LARGE1: variants seen among roughly 807,000 people sequenced by gnomAD.
LARGE1 encodes xylosyl- and glucuronyltransferase LARGE1.
A neutral mutation model predicts 87.6 loss-of-function variants in LARGE1; 43 were observed. The ratio of observed to expected loss-of-function variants is 0.49; its 90% CI spans 0.38 to 0.63. The LOEUF is 0.63. LARGE1 is among the 30% of genes least tolerant of loss of function. The probability of loss-of-function intolerance (pLI) is 0.00; values close to 1 mark genes in which losing one functional copy is unlikely to be tolerated. For synonymous variants in LARGE1, 434 were observed against 394.6 expected (o/e 1.10, Z -1.18); for missense variants, 802 against 1,000.2 (o/e 0.80, Z 2.67).
At chr22:33,110,994 C>A in the LARGE1 span, among the ~76,000 whole-genome samples, 2 of 152,068 alleles carry the variant, frequency 1.3e-5, no homozygotes, top group African/African-American at 2.4e-5. Context: ...AAAGATCAAG[C>A]TGTATGATGT....
intron 2 of LARGE1, among the ~76,000 whole-genome samples, chr22:33,714,331 C>T (rs542509610): frequency 2.5e-4 from 38 of 152,316 alleles, no homozygotes; most frequent in African/African-American, 8.7e-4. Context: ...GCTCTAGAGG[C>T]AGATAAGGCT....
At chr22:33,700,260 C>A (rs896414785) in intron 2 of LARGE1, among the ~76,000 whole-genome samples, 1 of 152,160 alleles carries the variant, frequency 6.6e-6, no homozygotes. Context: ...TTCCAACAAG[C>A]CTTCTAGGTC....
the LARGE1 span, among the ~76,000 whole-genome samples, chr22:33,107,248 A>T: frequency 6.6e-6 from 1 of 152,314 alleles, no homozygotes; most frequent in Non-Finnish European, 1.5e-5. Context: ...AAATGTTAAG[A>T]TTTAATGACA....
chr22:33,827,046 A>T (rs17808744), intron 1 of LARGE1, among the ~76,000 whole-genome samples: 13,731 of 152,050 alleles, frequency 0.09, 651 homozygotes, highest in Admixed American at 0.1. Flanking sequence ...ACTTTTATCA[A>T]TGCTTTCTCC....
chr22:33,229,136 G>C (rs1389552364), intron 11 of LARGE1, among the ~76,000 whole-genome samples: 1 of 152,110 alleles, frequency 6.6e-6, no homozygotes, highest in Non-Finnish European at 1.5e-5. Flanking sequence ...AAGAAATAAA[G>C]ACAAAATCTG....
the LARGE1 span, among the ~76,000 whole-genome samples, chr22:33,125,556 C>T: frequency 1.7e-4 from 26 of 151,548 alleles, no homozygotes; most frequent in Non-Finnish European, 2.2e-4. Context: ...AAGCAATTCT[C>T]GTACTTCAGC....
rs3071528 is a variant in LARGE1, at chr22:33,395,226, C to CAAAA, written c.893-10926_893-10923dup. Among the ~76,000 whole-genome samples, 345 of 61,556 alleles carry CAAAA rather than the reference C, an allele frequency of 5.6e-3. 27 individuals carry two copies. The highest frequency in any genetic ancestry group is 0.023 in the Middle Eastern group (2 of 88). 40.4% of individuals were successfully genotyped at this position (61,556 alleles called of 152,430 possible). A position where few individuals can be genotyped will look rare whatever the true frequency, so the allele number is the denominator to read the frequency against. On this transcript the variant is annotated intron_variant, in intron 7 of 14. Coordinates refer to ENST00000397394, the MANE Select transcript of LARGE1 (RefSeq NM_133642.5). Reference sequence around the variant, plus strand: ...CCTGGGTGACGCAGCGACTCTGCCTCAAAAAAAAAAAAAAAAAAAAAGCCA... The same window carrying CAAAA: ...CCTGGGTGACGCAGCGACTCTGCCTCAAAAAAAAAAAAAAAAAAAAAAAAAGCCA...
intron 2 of LARGE1, among the ~76,000 whole-genome samples, chr22:33,667,290 C>A (rs1365794244): frequency 2.6e-5 from 4 of 152,226 alleles, no homozygotes; most frequent in African/African-American, 4.8e-5. Context: ...CAGCCCCAAA[C>A]AACAAGCCAG....
chr22:33,186,055 CA>C (rs1923457588), intron 11 of LARGE1, among the ~76,000 whole-genome samples: 1 of 151,900 alleles, frequency 6.6e-6, no homozygotes, highest in Non-Finnish European at 1.5e-5. Flanking sequence ...TAAAAACCTA[CA>C]AAAAAATTCT....
At chr22:33,598,610 G>A (rs1242083451) in intron 5 of LARGE1, among the ~76,000 whole-genome samples, 1 of 151,894 alleles carries the variant, frequency 6.6e-6, no homozygotes, top group East Asian at 1.9e-4. Context: ...ACTTATGAGT[G>A]AGAACATACA....
intron 2 of LARGE1, among the ~76,000 whole-genome samples, chr22:33,715,664 C>G (rs893149160): frequency 6.6e-6 from 1 of 152,130 alleles, no homozygotes; most frequent in African/African-American, 2.4e-5. Flanking sequence ...GAAATAGAGT[C>G]CAAGCATTTG....
chr22:33,190,300 C>A (rs553779000), intron 11 of LARGE1, among the ~76,000 whole-genome samples: 1 of 152,214 alleles, frequency 6.6e-6, no homozygotes, highest in African/African-American at 2.4e-5. Flanking sequence ...ATAAAAAGAA[C>A]AGAGTTTGAA....
intron 9 of LARGE1, among the ~76,000 whole-genome samples, chr22:33,357,791 G>A (rs1187113075): frequency 1.3e-5 from 2 of 151,572 alleles, no homozygotes; most frequent in African/African-American, 4.8e-5. Flanking sequence ...TGAAACTGTC[G>A]CAAAAAAGAA....
chr22:33,846,092 C>T (rs187052749), intron 1 of LARGE1, among the ~76,000 whole-genome samples: 1 of 152,318 alleles, frequency 6.6e-6, no homozygotes, highest in East Asian at 1.9e-4. Context: ...ACCTGCATCT[C>T]TGCCCTCTGT....
At chr22:33,809,133 G>A (rs1303343704) in intron 1 of LARGE1, among the ~76,000 whole-genome samples, 2 of 152,146 alleles carry the variant, frequency 1.3e-5, no homozygotes, top group African/African-American at 2.4e-5. Context: ...TTAGCTGGGC[G>A]TGGTAGTGGG....
chr22:33,508,785 G>A (rs907159738), intron 6 of LARGE1, among the ~76,000 whole-genome samples: 5 of 152,122 alleles, frequency 3.3e-5, no homozygotes, highest in African/African-American at 7.2e-5. Flanking sequence ...TTTGTCTCCC[G>A]AGAAGCATCC....
chr22:33,447,645 G>A (rs534592459), intron 6 of LARGE1, among the ~76,000 whole-genome samples: 6 of 152,346 alleles, frequency 3.9e-5, no homozygotes, highest in Non-Finnish European at 8.8e-5. Flanking sequence ...CAAAGAGGCG[G>A]TGAAGGTGAA....
chr22:33,738,072 G>A (rs146969363), intron 2 of LARGE1, among the ~76,000 whole-genome samples: 1 of 152,160 alleles, frequency 6.6e-6, no homozygotes, highest in East Asian at 1.9e-4. Flanking sequence ...TGGAGATGAC[G>A]TTGTTTTATT....
chr22:33,471,398 C>G (rs1280769946), intron 6 of LARGE1, among the ~76,000 whole-genome samples: 1 of 152,100 alleles, frequency 6.6e-6, no homozygotes, highest in African/African-American at 2.4e-5. Context: ...AACAACCCCA[C>G]AAAGTACAAA....
Sources: gnomAD v4.1 joint callset for allele counts (sites outside exome capture counted in the v4.1 genomes callset) on GRCh38, gnomAD v4.1.1 for gene constraint, MANE v1.5 for transcripts, NCBI Gene and HGNC (gene_info 2026-07-23, HGNC 2026-07-21) for gene names.